Variants in KIAA0825 observed in about 807,000 individuals in gnomAD.
KIAA0825 encodes the protein KIAA0825.
A neutral mutation model predicts 147.6 loss-of-function variants in KIAA0825; 119 were observed. The ratio of observed to expected loss-of-function variants is 0.81; its 90% confidence interval spans 0.69 to 0.94. The LOEUF (loss-of-function observed/expected upper bound fraction) is 0.94, where lower values mean the gene tolerates loss of function less well. Among genes scored for constraint, KIAA0825 ranks in the 40% least tolerant of loss-of-function variants. The pLI, the probability that KIAA0825 is intolerant of heterozygous loss-of-function variation, is 0.00. For missense variants in KIAA0825, 1,381 were observed against 1,472.7 expected, an observed-to-expected ratio of 0.94 and a Z score of 1.02; for synonymous variants, 470 against 518.1, an observed-to-expected ratio of 0.91 and a Z score of 1.26.
chr5:94,425,571 A>G (rs910956333), intron 14 of KIAA0825, among the ~76,000 whole-genome samples: 6 of 152,062 alleles, frequency 3.9e-5, no homozygotes, highest in Non-Finnish European at 8.8e-5. Context: ...GGACCTCACC[A>G]TTGCACTCTA....
rs573026444 is a variant in KIAA0825 at position 94,239,461 on chromosome 5, T to C, written c.3711-85337A>G. Among the ~76,000 whole-genome samples the C allele has an allele frequency of 2.0e-5, 3 of 152,342 alleles. No homozygotes were observed. The East Asian group carries it at 5.8e-4, about 29-fold the overall frequency. ...TTCCTAGTACAAAGTATTTTGTTAC[T>C]GTTTCTGCACTCTAAATAGCCCTGT... On this transcript the variant is annotated intron_variant, in intron 20 of 20. Transcript: ENST00000682413.
At chr5:94,227,099 T>G (rs1351214216) in intron 20 of KIAA0825, among the ~76,000 whole-genome samples, 2 of 152,184 alleles carry the variant, frequency 1.3e-5, no homozygotes, top group Non-Finnish European at 2.9e-5. Context: ...CATGCACACG[T>G]ATGTTTATTG....
chr5:94,268,788 C>T (rs1050398619), intron 20 of KIAA0825, among the ~76,000 whole-genome samples: 2 of 152,070 alleles, frequency 1.3e-5, no homozygotes, highest in Non-Finnish European at 2.9e-5. Context: ...CTGAGAGTTC[C>T]TCCTAATATT....
At chr5:94,591,465 T>C (rs1230722012) in intron 1 of KIAA0825, among the ~76,000 whole-genome samples, 3 of 152,194 alleles carry the variant, frequency 2.0e-5, no homozygotes, top group African/African-American at 7.2e-5. Flanking sequence ...TACAAAACTA[T>C]GAAAGCATGG....
rs183922923 is a variant in KIAA0825 at position 94,444,725 on chromosome 5, A to T, written c.2358-4604T>A. Among the ~76,000 whole-genome samples the T allele has an allele frequency of 4.5e-3, 681 of 152,200 alleles. 8 individuals carry two copies. The highest frequency in any genetic ancestry group is 0.044 in the Middle Eastern group (13 of 294). ...CTGTCCTGCTAAGTCCACTGTCATT[A>T]AGCTTAAATAAATGAATAAATTGTA... On this transcript the variant is annotated intron_variant, in intron 13 of 20. Coordinates refer to ENST00000682413, the MANE Select transcript of KIAA0825 (RefSeq NM_001145678.3).
intron 1 of KIAA0825, chr5:94,593,572 A>T (rs750152180): frequency 1.1e-5 from 6 of 556,230 alleles, no homozygotes; most frequent in Non-Finnish European, 2.0e-5. Context: ...TGAAGAAAAG[A>T]AACAACTTAA....
intron 20 of KIAA0825, among the ~76,000 whole-genome samples, chr5:94,348,906 C>A (rs1245038612): frequency 6.6e-6 from 1 of 152,140 alleles, no homozygotes; most frequent in Non-Finnish European, 1.5e-5. Context: ...CCGAAGTACA[C>A]AGGCAACATA....
intron 2 of KIAA0825, among the ~76,000 whole-genome samples, chr5:94,548,976 A>G (rs957647836): frequency 6.6e-6 from 1 of 152,190 alleles, no homozygotes; most frequent in Non-Finnish European, 1.5e-5. Context: ...CCTCAATACA[A>G]TAATAGCTGG....
At chr5:94,448,355 G>A (rs1365466927) in intron 13 of KIAA0825, among the ~76,000 whole-genome samples, 1 of 151,722 alleles carries the variant, frequency 6.6e-6, no homozygotes, top group Non-Finnish European at 1.5e-5. Context: ...CCATTTCATA[G>A]TTTTCTCTAG....
At chr5:94,380,811 A>T (rs1748304530) in intron 20 of KIAA0825, among the ~76,000 whole-genome samples, 2 of 152,336 alleles carry the variant, frequency 1.3e-5, no homozygotes, top group Middle Eastern at 3.4e-3. Flanking sequence ...GAGCATCATG[A>T]ATCGGAAGGA....
intron 20 of KIAA0825, among the ~76,000 whole-genome samples, chr5:94,262,214 C>T (rs894607185): frequency 6.6e-6 from 1 of 151,838 alleles, no homozygotes; most frequent in Non-Finnish European, 1.5e-5. Context: ...AACTTCATTC[C>T]TAAAGGAAAT....
At chr5:94,436,478 G>A (rs1756387585) in intron 14 of KIAA0825, among the ~76,000 whole-genome samples, 1 of 151,922 alleles carries the variant, frequency 6.6e-6, no homozygotes, top group Non-Finnish European at 1.5e-5. Flanking sequence ...CCATTGGTTT[G>A]CGTGTCTGTT....
intron 5 of KIAA0825, among the ~76,000 whole-genome samples, chr5:94,489,550 T>G (rs1250952601): frequency 6.6e-6 from 1 of 150,630 alleles, no homozygotes; most frequent in Non-Finnish European, 1.5e-5. Context: ...AAGTTGCTAT[T>G]GCATAAAACA....
intron 20 of KIAA0825, among the ~76,000 whole-genome samples, chr5:94,377,345 A>G (rs530829233): frequency 6.6e-6 from 1 of 152,354 alleles, no homozygotes; most frequent in East Asian, 1.9e-4. Context: ...ATTATTTTCA[A>G]CACCACAGTT....
intron 10 of KIAA0825, among the ~76,000 whole-genome samples, chr5:94,466,736 C>CAAA (rs56785201): frequency 3.4e-4 from 21 of 61,310 alleles, no homozygotes; most frequent in African/African-American, 6.1e-4. Context: ...GACTGTGTCT[C>CAAA]AAAAAAAAAA....
chr5:94,258,168 C>T (rs1776332404), intron 20 of KIAA0825, among the ~76,000 whole-genome samples: 1 of 151,946 alleles, frequency 6.6e-6, no homozygotes, highest in Non-Finnish European at 1.5e-5. Context: ...TTCATATGCT[C>T]TTCTGGACAA....
chr5:94,563,830 G>A (rs1021876564), intron 2 of KIAA0825, among the ~76,000 whole-genome samples: 2 of 151,954 alleles, frequency 1.3e-5, no homozygotes, highest in Admixed American at 6.6e-5. Flanking sequence ...GATTATAGGC[G>A]CCTGCCACCA....
intron 2 of KIAA0825, among the ~76,000 whole-genome samples, chr5:94,557,357 C>A (rs1160707362): frequency 6.6e-6 from 1 of 151,932 alleles, no homozygotes; most frequent in African/African-American, 2.4e-5. Flanking sequence ...CATGACTCAG[C>A]CTTCAAGGTA....
intron 1 of KIAA0825, among the ~76,000 whole-genome samples, chr5:94,611,420 G>C (rs554534457): frequency 1.3e-5 from 2 of 152,012 alleles, no homozygotes; most frequent in South Asian, 2.1e-4. Context: ...CAAAAATACA[G>C]GCTATGACTA....
Sources: allele counts gnomAD v4.1 joint callset (sites outside exome capture counted in the v4.1 genomes callset), GRCh38; gene constraint gnomAD v4.1.1; transcripts MANE v1.5; gene names NCBI Gene and HGNC (gene_info 2026-07-23, HGNC 2026-07-21).